The following SMC6 variants were observed in gnomAD, a reference collection of about 807,000 sequenced individuals.
SMC6 encodes structural maintenance of chromosomes 6.
In SMC6, 79 loss-of-function variants were observed where a neutral mutation model predicts 142.2. The observed-to-expected ratio is 0.56, with a 90% confidence interval of 0.46 to 0.67. SMC6 has a LOEUF of 0.67. Among genes scored for constraint, SMC6 ranks in the 30% least tolerant of loss-of-function variants. The pLI, the probability that SMC6 is intolerant of heterozygous loss-of-function variation, is 0.00. For missense variants in SMC6, 1,072 were observed against 1,284.0 expected (o/e 0.83, Z 2.52); for synonymous variants, 411 against 412.4 (o/e 1.00, Z 0.04).
chr2:17,719,853 C>T (rs1420056701), intron 11 of SMC6, among the ~76,000 whole-genome samples: 1 of 151,832 alleles, frequency 6.6e-6, no homozygotes, highest in African/African-American at 2.4e-5. Flanking sequence ...TGTCATAACC[C>T]TTAAAAGAAA....
intron 25 of SMC6, among the ~76,000 whole-genome samples, chr2:17,671,263 T>C (rs1666746137): frequency 6.6e-6 from 1 of 152,102 alleles, no homozygotes; most frequent in Non-Finnish European, 1.5e-5. Context: ...GCATTAAAAG[T>C]GATTACTGAA....
At chr2:17,740,593 C>G (rs955393153) in intron 4 of SMC6, among the ~76,000 whole-genome samples, 1 of 152,196 alleles carries the variant, frequency 6.6e-6, no homozygotes, top group African/African-American at 2.4e-5. Context: ...GTGGCTCACA[C>G]CTGTTAATCC....
At chr2:17,743,226 T>C (rs776797251) in intron 3 of SMC6, among the ~76,000 whole-genome samples, 91 of 152,238 alleles carry the variant, frequency 6.0e-4, no homozygotes, top group East Asian at 1.9e-4. Flanking sequence ...GAGGTTTTAA[T>C]AGAACTGCAT....
At chr2:17,693,431 A>C (rs887500184) in intron 23 of SMC6, among the ~76,000 whole-genome samples, 3 of 152,176 alleles carry the variant, frequency 2.0e-5, no homozygotes, top group Non-Finnish European at 4.4e-5. Flanking sequence ...CATTCTCAGC[A>C]AACTATCACA....
intron 11 of SMC6, among the ~76,000 whole-genome samples, chr2:17,719,092 G>T (rs149790956): frequency 2.6e-5 from 4 of 152,178 alleles, no homozygotes; most frequent in Admixed American, 2.6e-4. Context: ...CTTTCTACAA[G>T]GAGCTAGATA....
intron 7 of SMC6, among the ~76,000 whole-genome samples, 158 bp downstream of exon 7, chr2:17,730,920 G>C (rs1221830878): frequency 3.9e-5 from 6 of 152,006 alleles, no homozygotes; most frequent in Non-Finnish European, 7.4e-5. Flanking sequence ...GGCCGAATTA[G>C]TAAATTTTAA....
At chr2:17,702,858 C>T (rs113435047) in intron 19 of SMC6, among the ~76,000 whole-genome samples, 1 of 152,196 alleles carries the variant, frequency 6.6e-6, no homozygotes, top group South Asian at 2.1e-4. Context: ...ATGTGAAACT[C>T]TCAGTCCATT....
Position 17,716,091 on chromosome 2 carries a change from G to A in SMC6, c.1520C>T (p.Pro507Leu). Residue 507 changes from proline (P) to leucine (L), a missense_variant, in exon 15 of 28, where the codon CCT becomes CTT. Pro to Leu is a moderately conservative substitution (Grantham distance 98). Around this residue, in one of 3 missense-constraint regions of SMC6, gnomAD observed 994 missense variants for 1,153.2 expected, o/e 0.86. Transcript: ENST00000448223. Reference sequence around the variant, plus strand: ...CGCTAAATTAAGACAAATACCTAAAGGGCCTACAGGTTTATAGGTAAAATG... The same window carrying A: ...CGCTAAATTAAGACAAATACCTAAAAGGCCTACAGGTTTATAGGTAAAATG... ...QGHFTYKPVG[P>L]LGACIHLRDP... 6.5e-7 allele frequency: 1 copy of A among 1,528,262 alleles called. No homozygotes were observed. The allele number at this position is 1,528,262 out of a possible 1,614,324, so 94.7% of individuals were successfully genotyped here. A position where few individuals can be genotyped will look rare whatever the true frequency, so the allele number is the denominator to read the frequency against.
intron 16 of SMC6, among the ~76,000 whole-genome samples, chr2:17,710,878 A>G (rs1208760382): frequency 3.3e-5 from 5 of 152,218 alleles, no homozygotes; most frequent in Non-Finnish European, 5.9e-5. Flanking sequence ...CTGAAAAGGG[A>G]AGCAGAGAAA....
intron 11 of SMC6, among the ~76,000 whole-genome samples, chr2:17,718,616 A>G (rs1669224299): frequency 6.6e-6 from 1 of 152,236 alleles, no homozygotes; most frequent in African/African-American, 2.4e-5. Flanking sequence ...AAAGTCAGGA[A>G]TGCCTTCAAA....
At chr2:17,720,830 T>C (rs1669330334) in intron 11 of SMC6, 110 bp downstream of exon 11, 2 of 898,422 alleles carry the variant, frequency 2.2e-6, no homozygotes, top group Non-Finnish European at 3.4e-6. Flanking sequence ...AATTCAAATA[T>C]AGACAAATAT....
At position 17,753,756 on chromosome 2, in the gene SMC6, G is replaced by A. The variant is rs1671231243; in HGVS notation, c.-223C>T. 6.6e-6 allele frequency: 1 copy of A among 152,374 alleles called. No individual in the cohort carries two copies. The highest frequency in any genetic ancestry group is 2.4e-5 in the African/African-American group (1 of 41,588). The allele number at this position is 152,374 out of a possible 1,614,324, so 9.4% of individuals were successfully genotyped here. On this transcript the variant is annotated 5_prime_UTR_variant, in exon 1 of 28. Transcript: ENST00000448223. ...GCTGGCCCCCTGGGAACCGCGTGCC[G>A]GCCGCAGGAGAAGGTAGATTCCCGG...
chr2:17,719,997 A>G (rs556931207), intron 11 of SMC6, among the ~76,000 whole-genome samples: 1 of 152,338 alleles, frequency 6.6e-6, no homozygotes, highest in East Asian at 1.9e-4. Context: ...CTAAGAGGTA[A>G]GTAAGCTACA....
chr2:17,708,895 T>A (rs546269144), intron 16 of SMC6, 142 bp from the exon 17 acceptor site: 24 of 295,884 alleles, frequency 8.1e-5, no homozygotes, highest in Non-Finnish European at 1.3e-4. Flanking sequence ...AACAAGACAA[T>A]ATCAAATATC....
intron 25 of SMC6, among the ~76,000 whole-genome samples, 176 bp from the exon 26 acceptor site, chr2:17,670,751 C>T (rs561061713): frequency 1.2e-4 from 19 of 152,284 alleles, no homozygotes; most frequent in African/African-American, 3.1e-4. Flanking sequence ...AACAGTTATA[C>T]GTATAATGGT....
intron 23 of SMC6, among the ~76,000 whole-genome samples, chr2:17,691,991 C>T (rs1341245335): frequency 9.9e-5 from 15 of 152,174 alleles, no homozygotes; most frequent in African/African-American, 3.4e-4. Context: ...AGGAATCCAA[C>T]TTACAAGGGA....
rs1669071788 is a variant in SMC6, at chr2:17,716,128, A to T, written c.1483T>A (p.Tyr495Asn). Residue 495 changes from tyrosine to asparagine, a missense_variant, in exon 15 of 28, where the codon TAT becomes AAT. Around this residue, in one of 3 missense-constraint regions of SMC6, gnomAD observed 994 missense variants for 1,153.2 expected, o/e 0.86. Coordinates refer to ENST00000448223, the MANE Select transcript of SMC6 (RefSeq NM_001142286.2). ...TTATAGGTAAAATGTCCTTGTCTAT[A>T]AGCATCATCTATGGCTTCAAGAAGA... ...PALLEAIDDA[Y>N]RQGHFTYKPV... 6.2e-7 allele frequency: 1 copy of T among 1,606,860 alleles called. No homozygotes were observed. The highest frequency in any genetic ancestry group is 1.7e-5 in the Admixed American group (1 of 57,548).
intron 2 of SMC6, among the ~76,000 whole-genome samples, chr2:17,749,472 G>A (rs868363072): frequency 6.6e-6 from 1 of 152,124 alleles, no homozygotes; most frequent in African/African-American, 2.4e-5. Context: ...GGCGGATCAC[G>A]AGGTCAGGAG....
intron 5 of SMC6, among the ~76,000 whole-genome samples, chr2:17,735,504 C>T (rs1670108324): frequency 6.6e-6 from 1 of 152,162 alleles, no homozygotes; most frequent in African/African-American, 2.4e-5. Flanking sequence ...GAACATAAAA[C>T]AGGAGAATGA....
Sources: allele counts gnomAD v4.1 joint callset (sites outside exome capture counted in the v4.1 genomes callset), GRCh38; gene constraint gnomAD v4.1.1; regional missense constraint gnomAD v4.1.1; transcripts MANE v1.5; gene names NCBI Gene and HGNC (gene_info 2026-07-23, HGNC 2026-07-21).